HCN1: variants seen among roughly 807,000 people sequenced by gnomAD.
The protein encoded by HCN1 is hyperpolarization activated cyclic nucleotide gated potassium channel 1.
HCN1 carries 13 observed loss-of-function variants against 78.9 expected under a neutral mutation model. The observed-to-expected ratio is 0.16, with a 90% CI of 0.11 to 0.26. The LOEUF (loss-of-function observed/expected upper bound fraction) is 0.26. Ranked by LOEUF, HCN1 falls within the 10% of genes least tolerant of loss-of-function variation. The pLI is 1.00. For missense variants in HCN1, 810 were observed against 1,154.3 expected (o/e 0.70, Z 4.32); for synonymous variants, 552 against 455.5 (o/e 1.21, Z -2.70).
At chr5:45,372,330 TAA>T (rs1747415599) in intron 4 of HCN1, among the ~76,000 whole-genome samples, 3 of 102,652 alleles carry the variant, frequency 2.9e-5, no homozygotes, top group African/African-American at 1.2e-4. Flanking sequence ...ATATGTTATA[TAA>T]TATATATCAT....
intron 2 of HCN1, among the ~76,000 whole-genome samples, chr5:45,506,995 T>G (rs540533225): frequency 2.0e-4 from 30 of 152,236 alleles, no homozygotes; most frequent in Non-Finnish European, 4.1e-4. Flanking sequence ...TATTGTATAC[T>G]GTTAATAATA....
chr5:45,388,362 C>T (rs768795812), intron 4 of HCN1, among the ~76,000 whole-genome samples: 4 of 152,058 alleles, frequency 2.6e-5, no homozygotes, highest in Non-Finnish European at 4.4e-5. Flanking sequence ...CATCAATAAA[C>T]CATGAGAAGA....
At chr5:45,280,078 T>G (rs1362345915) in intron 6 of HCN1, among the ~76,000 whole-genome samples, 1 of 152,126 alleles carries the variant, frequency 6.6e-6, no homozygotes, top group Non-Finnish European at 1.5e-5. Context: ...ACTCATGTAT[T>G]TCAAGAAAGG....
At chr5:45,499,391 G>A (rs766753680) in intron 2 of HCN1, among the ~76,000 whole-genome samples, 2 of 152,110 alleles carry the variant, frequency 1.3e-5, no homozygotes, top group Admixed American at 6.5e-5. Context: ...CTAGGAAAGG[G>A]AACTCCCTGA....
At chr5:45,504,409 TC>T (rs1324908007) in intron 2 of HCN1, among the ~76,000 whole-genome samples, 1 of 152,166 alleles carries the variant, frequency 6.6e-6, no homozygotes, top group Non-Finnish European at 1.5e-5. Context: ...CTCATCCATG[TC>T]CCTACAAAGG....
chr5:45,462,069 A>G (rs1279143388), intron 2 of HCN1, 62 bp from the exon 3 acceptor site: 3 of 1,278,140 alleles, frequency 2.3e-6, no homozygotes, highest in African/African-American at 1.5e-5. Flanking sequence ...CAAGCATACT[A>G]CTGATAGTAG....
intron 4 of HCN1, among the ~76,000 whole-genome samples, chr5:45,381,002 A>T (rs2112025372): frequency 6.6e-6 from 1 of 152,262 alleles, no homozygotes; most frequent in African/African-American, 2.4e-5. Flanking sequence ...AATCATACAG[A>T]GTTTTCCATT....
intron 4 of HCN1, among the ~76,000 whole-genome samples, chr5:45,374,625 A>T (rs538398837): frequency 1.3e-5 from 2 of 150,068 alleles, no homozygotes; most frequent in South Asian, 4.2e-4. Flanking sequence ...TTGGGGAGGG[A>T]CTCCTTCCTA....
At chr5:45,433,070 C>A (rs1484252974) in intron 3 of HCN1, among the ~76,000 whole-genome samples, 1 of 152,044 alleles carries the variant, frequency 6.6e-6, no homozygotes, top group Non-Finnish European at 1.5e-5. Context: ...GCAATTACCT[C>A]CCACCAGGTC....
At chr5:45,551,654 A>T (rs1164828989) in intron 2 of HCN1, among the ~76,000 whole-genome samples, 2 of 151,982 alleles carry the variant, frequency 1.3e-5, no homozygotes, top group Non-Finnish European at 2.9e-5. Flanking sequence ...GCTAAAGGAA[A>T]CTTTCATATT....
rs186566900 is a variant in HCN1, at chr5:45,467,651, T to C, written c.850-5644A>G. Among the ~76,000 whole-genome samples, 13 of 152,188 alleles carry C rather than the reference T, an allele frequency of 8.5e-5. No homozygotes were observed. The East Asian group carries it at 2.3e-3, about 27-fold the overall frequency. The stretch of plus-strand genomic sequence containing the variant: ...GGCCCTCAGCAATGGTCTATCCATT[T>C]CCCTATTCCTAACAACAACCCATTC... On this transcript the variant is annotated intron_variant, in intron 2 of 7. Transcript: ENST00000303230.
At chr5:45,467,882 A>G (rs1347314018) in intron 2 of HCN1, among the ~76,000 whole-genome samples, 6 of 152,102 alleles carry the variant, frequency 3.9e-5, no homozygotes, top group Non-Finnish European at 7.4e-5. Flanking sequence ...GTATTTTCCT[A>G]ATTCTTTTTT....
At chr5:45,472,092 TCA>T (rs1438011207) in intron 2 of HCN1, among the ~76,000 whole-genome samples, 2 of 151,950 alleles carry the variant, frequency 1.3e-5, no homozygotes, top group Non-Finnish European at 2.9e-5. Flanking sequence ...CATTTTATTC[TCA>T]TCTCTCACCC....
At chr5:45,315,547 C>G (rs1274363708) in intron 5 of HCN1, among the ~76,000 whole-genome samples, 1 of 151,882 alleles carries the variant, frequency 6.6e-6, no homozygotes, top group African/African-American at 2.4e-5. Context: ...TAGCAGAAGG[C>G]AAGAAATAAC....
At chr5:45,574,000 A>C (rs1743887466) in intron 2 of HCN1, among the ~76,000 whole-genome samples, 1 of 152,126 alleles carries the variant, frequency 6.6e-6, no homozygotes, top group Non-Finnish European at 1.5e-5. Context: ...TATACAAAAT[A>C]AAACTTGCTT....
At chr5:45,349,808 C>A (rs547713209) in intron 5 of HCN1, among the ~76,000 whole-genome samples, 40 of 152,164 alleles carry the variant, frequency 2.6e-4, no homozygotes, top group Admixed American at 2.6e-4. Context: ...CATACACCCT[C>A]CCAAGACTAA....
intron 2 of HCN1, among the ~76,000 whole-genome samples, chr5:45,586,857 C>T (rs1432911099): frequency 6.6e-6 from 1 of 152,154 alleles, no homozygotes; most frequent in Non-Finnish European, 1.5e-5. Context: ...ATGTAATAGA[C>T]TATCTTAATA....
At chr5:45,499,863 A>C (rs1161935628) in intron 2 of HCN1, among the ~76,000 whole-genome samples, 2 of 152,164 alleles carry the variant, frequency 1.3e-5, no homozygotes, top group African/African-American at 4.8e-5. Flanking sequence ...TACTTTTAGC[A>C]TCTATCTCTT....
At chr5:45,622,982 G>A (rs188499787) in intron 2 of HCN1, among the ~76,000 whole-genome samples, 178 of 152,050 alleles carry the variant, frequency 1.2e-3, no homozygotes, top group African/African-American at 3.9e-3. Context: ...TCCTTTTGCC[G>A]GGAACATATC....
Sources: allele counts gnomAD v4.1 joint callset (sites outside exome capture counted in the v4.1 genomes callset), GRCh38; gene constraint gnomAD v4.1.1; transcripts MANE v1.5; gene names NCBI Gene and HGNC (gene_info 2026-07-23, HGNC 2026-07-21).